LRRC36: variants seen among roughly 807,000 people sequenced by gnomAD.
LRRC36 encodes the protein leucine rich repeat containing 36, also known as leucine-rich repeat-containing protein 36.
Under a neutral mutation model 81.1 loss-of-function variants are expected in LRRC36, and 62 were observed. The observed-to-expected ratio is 0.76, with a 90% CI of 0.62 to 0.94. The LOEUF is 0.94. Ranked by LOEUF, LRRC36 falls within the 40% of genes least tolerant of loss-of-function variation. The pLI, the probability that LRRC36 is intolerant of heterozygous loss-of-function variation, is 0.00. For synonymous variants in LRRC36, 334 were observed against 348.6 expected, an observed-to-expected ratio of 0.96 and a Z score of 0.47; for missense variants, 761 against 881.7, an observed-to-expected ratio of 0.86 and a Z score of 1.73.
At chr16:67,369,467 C>G (rs2142120638) in intron 8 of LRRC36, among the ~76,000 whole-genome samples, 1 of 152,242 alleles carries the variant, frequency 6.6e-6, no homozygotes, top group South Asian at 2.1e-4. Context: ...CATTAATGAA[C>G]AGCTTCAGGG....
chr16:67,350,134 C>A, intron 4 of LRRC36, 68 bp from the exon 5 acceptor site: 4 of 1,041,040 alleles, frequency 3.8e-6, no homozygotes, highest in Non-Finnish European at 2.9e-6. Context: ...TTCTAAATAG[C>A]ATTTACTGGT....
At chr16:67,378,810 C>A in intron 12 of LRRC36, 98 bp downstream of exon 12, 1 of 1,362,760 alleles carries the variant, frequency 7.3e-7, no homozygotes, top group Non-Finnish European at 1.0e-6. Flanking sequence ...GCTCACGTGG[C>A]TGCCTTTGGC....
chr16:67,361,705 T>C (rs1267256502), intron 5 of LRRC36, among the ~76,000 whole-genome samples: 4 of 152,096 alleles, frequency 2.6e-5, no homozygotes, highest in Admixed American at 1.3e-4. Context: ...CTTGAGTAGC[T>C]GGGATTACAG....
At chr16:67,361,129 C>T (rs928593704) in intron 5 of LRRC36, among the ~76,000 whole-genome samples, 5 of 152,140 alleles carry the variant, frequency 3.3e-5, no homozygotes, top group Admixed American at 3.3e-4. Flanking sequence ...GTCTCGACTT[C>T]CCAAGTTAAG....
At chr16:67,366,685 G>GA (rs2039407478) in intron 7 of LRRC36, among the ~76,000 whole-genome samples, 2 of 152,020 alleles carry the variant, frequency 1.3e-5, no homozygotes. Context: ...GGGAAGCGAA[G>GA]GTTGCACTGA....
intron 1 of LRRC36, among the ~76,000 whole-genome samples, chr16:67,328,507 C>T (rs1022019689): frequency 3.3e-5 from 5 of 151,704 alleles, no homozygotes; most frequent in South Asian, 2.1e-4. Flanking sequence ...AGTGAGACTC[C>T]GTCTCGAAAA....
At chr16:67,369,259 A>AC (rs1056891130) in intron 8 of LRRC36, among the ~76,000 whole-genome samples, 24 of 152,288 alleles carry the variant, frequency 1.6e-4, no homozygotes, top group African/African-American at 5.3e-4. Context: ...ATAAAGAGAA[A>AC]CCATCATGGA....
At chr16:67,346,944 G>T (rs2038379309) in intron 3 of LRRC36, among the ~76,000 whole-genome samples, 1 of 151,948 alleles carries the variant, frequency 6.6e-6, no homozygotes, top group South Asian at 2.1e-4. Flanking sequence ...GCACGATCTT[G>T]GCTCACTGCC....
intron 1 of LRRC36, among the ~76,000 whole-genome samples, chr16:67,332,541 G>A (rs1045519090): frequency 1.1e-4 from 16 of 152,020 alleles, no homozygotes; most frequent in Admixed American, 2.0e-4. Flanking sequence ...GTGACAGAGC[G>A]AGACTCCGTC....
Position 67,367,397 on chromosome 16 carries a change from T to A in LRRC36, c.1135T>A (p.Leu379Ile), listed in dbSNP as rs2039448026. 1.2e-6 allele frequency: 2 copies of A among 1,613,972 alleles called. No individual in the cohort carries two copies. Among genetic ancestry groups the A allele is most frequent in the Admixed American group, 3.3e-5 (2 of 59,996 alleles). ...CACCGCTTCACATTCCTGTGGAGACTTATTAACTTCTCTGTCAAACCCTGA... is the reference window on the plus strand; with the variant it reads ...CACCGCTTCACATTCCTGTGGAGACATATTAACTTCTCTGTCAAACCCTGA... ...KTTASHSCGD[L>I]LTSLSNPDSS... Residue 379 changes from leucine to isoleucine, a missense_variant, in exon 8 of 14, where the codon TTA becomes ATA. This residue lies in a region of LRRC36 where 139 missense variants were observed against 214.0 expected (regional missense o/e 0.65). Coordinates refer to ENST00000329956, the MANE Select transcript of LRRC36 (RefSeq NM_018296.6).
In LRRC36 at chr16:67,367,250, C is replaced by T. The variant is rs775152552; in HGVS notation, c.988C>T (p.Leu330=). The change falls in exon 8 of 14, where the codon CTG becomes TTG. Residue 330 remains leucine (L), a synonymous_variant. Coordinates refer to ENST00000329956, the MANE Select transcript of LRRC36 (RefSeq NM_018296.6). ...CTATCAGTTACCTTCAGATGTTGGT[C>T]TGGAAAATTATGACAGTTGTTATTC... ...HPYQLPSDVG[L]ENYDSCYSQT... is the part of the protein sequence containing the mutation. 1 of 1,614,164 alleles carries T rather than the reference C, an allele frequency of 6.2e-7. No individual in the cohort carries two copies. Among genetic ancestry groups the T allele is most frequent in the Non-Finnish European group, 8.5e-7 (1 of 1,180,030 alleles).
rs1484909924 is a variant in LRRC36, at chr16:67,331,063, GAGAGAA to G, written c.70+4137_70+4142del. Among the ~76,000 whole-genome samples, 46 of 112,472 alleles carry G rather than the reference GAGAGAA, an allele frequency of 4.1e-4. 1 individual carries two copies. The highest frequency in any genetic ancestry group is 6.4e-4 in the South Asian group (2 of 3,136). The allele number at this position is 112,472 out of a possible 152,430, so 73.8% of individuals were successfully genotyped here. On this transcript the variant is annotated intron_variant, in intron 1 of 13. Transcript: ENST00000329956. ...CAGAAGGTGCATGTGTGAGATGTGAGAGAGAAAGAGAGAGAGAGAGAGAGAGAGAGA... is the reference window on the plus strand; with the variant it reads ...CAGAAGGTGCATGTGTGAGATGTGAGAGAGAGAGAGAGAGAGAGAGAGAGA...
At chr16:67,384,252 TG>T (rs2040211873) in intron 13 of LRRC36, among the ~76,000 whole-genome samples, 1 of 152,084 alleles carries the variant, frequency 6.6e-6, no homozygotes, top group Non-Finnish European at 1.5e-5. Context: ...CTGACCAACA[TG>T]GTGAAACCTT....
intron 11 of LRRC36, among the ~76,000 whole-genome samples, 190 bp downstream of exon 11, chr16:67,377,062 C>T (rs1224752817): frequency 1.3e-5 from 2 of 152,182 alleles, no homozygotes; most frequent in Non-Finnish European, 2.9e-5. Flanking sequence ...CATCCTAACC[C>T]TAATCCAAAA....
At chr16:67,333,116 A>G (rs1412448165) in intron 1 of LRRC36, among the ~76,000 whole-genome samples, 1 of 151,832 alleles carries the variant, frequency 6.6e-6, no homozygotes, top group Non-Finnish European at 1.5e-5. Context: ...CACATACTAT[A>G]AAGTTCACCG....
In LRRC36 at chr16:67,350,262, T is replaced by C; in HGVS notation, c.549T>C (p.Ser183=). ...GTGAGAGCTCTGCATCAAAAGTCAG[T>C]GCTAATGTTGACAGCAGGATTGAAA... The part of the protein sequence containing the change: ...VTGESSASKV[S]ANVDSRIEMD... The change falls in exon 5 of 14, where the codon AGT becomes AGC. Residue 183 remains serine, a synonymous_variant. Coordinates refer to ENST00000329956, the MANE Select transcript of LRRC36 (RefSeq NM_018296.6). 6.2e-7 allele frequency: 1 copy of C among 1,613,660 alleles called. No individual in the cohort carries two copies. The highest frequency in any genetic ancestry group is 8.5e-7 in the Non-Finnish European group (1 of 1,179,844).
intron 8 of LRRC36, among the ~76,000 whole-genome samples, chr16:67,367,896 C>T (rs2039473732): frequency 6.6e-6 from 1 of 152,116 alleles, no homozygotes. Context: ...ACCAAAAATA[C>T]ACACACACAA....
At chr16:67,360,112 G>A (rs2039076865) in intron 5 of LRRC36, among the ~76,000 whole-genome samples, 1 of 150,074 alleles carries the variant, frequency 6.7e-6, no homozygotes, top group Admixed American at 6.6e-5. Context: ...GAGCAACAGA[G>A]CAAGACTCTG....
rs766070233 is a variant in LRRC36 at position 67,376,743 on chromosome 16, G to C, written c.1677G>C (p.Leu559Phe). The C allele has an allele frequency of 1.2e-6, 2 of 1,612,140 alleles. No homozygotes were observed. Among genetic ancestry groups the C allele is most frequent in the African/African-American group, 2.7e-5 (2 of 74,910 alleles). ...NKKFLGPARD[L>F]LLSLVVPAPS... Reference sequence around the variant, plus strand: ...TTTTGGCAGGTCCTGCCCGAGATTTGCTTCTGTCTTTGGTAGTCCCGGCTC... The same window carrying C: ...TTTTGGCAGGTCCTGCCCGAGATTTCCTTCTGTCTTTGGTAGTCCCGGCTC... Residue 559 changes from leucine to phenylalanine, a missense_variant, in exon 11 of 14, where the codon TTG (leucine) becomes TTC (phenylalanine). By Grantham distance (22) the Leu-to-Phe change is conservative (BLOSUM62 0). Coordinates refer to ENST00000329956, the MANE Select transcript of LRRC36 (RefSeq NM_018296.6).
Sources: gnomAD v4.1 joint callset for allele counts (sites outside exome capture counted in the v4.1 genomes callset) on GRCh38, gnomAD v4.1.1 for gene constraint, gnomAD v4.1.1 regional missense constraint, MANE v1.5 for transcripts, NCBI Gene and HGNC (gene_info 2026-07-23, HGNC 2026-07-21) for gene names.